Variants in CCDC93 observed in about 807,000 individuals in gnomAD.
The protein encoded by CCDC93 is coiled-coil domain-containing protein 93.
Under a neutral mutation model 108.2 loss-of-function variants are expected in CCDC93, and 61 were observed. The observed-to-expected ratio is 0.56, with a 90% CI of 0.46 to 0.70. The LOEUF is 0.70. CCDC93 is among the 30% of genes least tolerant of loss of function. The pLI is 0.00. For missense variants in CCDC93, 685 were observed against 764.2 expected, an observed-to-expected ratio of 0.90 and a Z score of 1.22; for synonymous variants, 276 against 260.4, an observed-to-expected ratio of 1.06 and a Z score of -0.58.
At chr2:117,932,314 T>TA (rs1427978514) in intron 22 of CCDC93, among the ~76,000 whole-genome samples, 3 of 152,214 alleles carry the variant, frequency 2.0e-5, no homozygotes, top group Non-Finnish European at 4.4e-5. Flanking sequence ...ATTTCTGTGT[T>TA]ACACTTTGGG....
intron 13 of CCDC93, chr2:117,949,717 GTTTTAAAAA>G: frequency 2.0e-6 from 2 of 978,014 alleles, no homozygotes; most frequent in Non-Finnish European, 2.4e-6. Context: ...AAAAAAAAAA[GTTTTAAAAA>G]AGTTCCAAGA....
chr2:117,985,384 C>A (rs1680285851), intron 7 of CCDC93: 2 of 806,412 alleles, frequency 2.5e-6, no homozygotes. Context: ...AGGAGACTTA[C>A]TCACATCAAG....
chr2:118,006,818 T>A lies in CCDC93; in HGVS notation c.157-2A>T. 1 of 1,570,372 alleles carries A rather than the reference T, an allele frequency of 6.4e-7. No individual in the cohort carries two copies. The highest frequency in any genetic ancestry group is 8.8e-7 in the Non-Finnish European group (1 of 1,141,120). ...ACACCAAGTCATTCCTCCTACTACCTGCAAGACATAAAGAAAATATTTGTT... is the reference window on the plus strand; with the variant it reads ...ACACCAAGTCATTCCTCCTACTACCAGCAAGACATAAAGAAAATATTTGTT... On this transcript the variant is annotated splice_acceptor_variant, in intron 2 of 23. Coordinates refer to ENST00000376300, the MANE Select transcript of CCDC93 (RefSeq NM_019044.5). LOFTEE classifies it high-confidence loss of function.
chr2:117,926,814 CAA>C (rs558657634), intron 23 of CCDC93, among the ~76,000 whole-genome samples: 1 of 151,782 alleles, frequency 6.6e-6, no homozygotes, highest in African/African-American at 2.4e-5. Flanking sequence ...GAGACACAAC[CAA>C]AAAAGAGAAT....
Position 117,969,251 on chromosome 2 carries a change from AG to A in CCDC93, c.888+4656del. On this transcript the variant is annotated intron_variant, in intron 11 of 23. Coordinates refer to ENST00000376300, the MANE Select transcript of CCDC93 (RefSeq NM_019044.5). ...CAATGTAGGAGAGGCTCATGTGACA[AG>A]GAACTGCAGGTAGCCTCCAGCTAAC... 1.3e-5 allele frequency among the ~76,000 whole-genome samples: 2 copies of A among 152,348 alleles called. 1 individual carries two copies. Among genetic ancestry groups the A allele is most frequent in the East Asian group, 3.9e-4 (2 of 5,184 alleles).
intron 6 of CCDC93, among the ~76,000 whole-genome samples, chr2:117,993,869 G>C (rs1160323135): frequency 6.6e-6 from 1 of 152,206 alleles, no homozygotes; most frequent in Non-Finnish European, 1.5e-5. Flanking sequence ...AAGTAGCTAG[G>C]ATTACAGGGG....
At chr2:117,950,806 A>G in intron 13 of CCDC93, 1 of 985,438 alleles carries the variant, frequency 1.0e-6, no homozygotes, top group Non-Finnish European at 1.2e-6. Flanking sequence ...TGATTTTCCT[A>G]TTAGATAGTA....
intron 11 of CCDC93, among the ~76,000 whole-genome samples, chr2:117,966,780 A>G (rs185536873): frequency 1.8e-4 from 28 of 152,378 alleles, no homozygotes; most frequent in African/African-American, 6.0e-4. Context: ...ACTTCAAGAT[A>G]GAGCAAAGGC....
At chr2:117,936,107 G>T (rs879712463) in intron 21 of CCDC93, among the ~76,000 whole-genome samples, 6 of 151,442 alleles carry the variant, frequency 4.0e-5, no homozygotes, top group Non-Finnish European at 5.9e-5. Flanking sequence ...GCTGTCATCT[G>T]CCAGAGGACA....
intron 11 of CCDC93, among the ~76,000 whole-genome samples, chr2:117,965,486 C>T (rs1229522980): frequency 6.6e-6 from 1 of 152,152 alleles, no homozygotes; most frequent in Non-Finnish European, 1.5e-5. Context: ...CTTCCCTTTT[C>T]CATTTCTAAC....
At chr2:117,921,444 T>A (rs1169265157) in intron 23 of CCDC93, among the ~76,000 whole-genome samples, 1 of 152,004 alleles carries the variant, frequency 6.6e-6, no homozygotes, top group African/African-American at 2.4e-5. Context: ...CTCCAATAAC[T>A]CTGACCCCAT....
chr2:117,945,600 T>A lies in CCDC93; in HGVS notation c.1297-18A>T. 6.2e-7 allele frequency: 1 copy of A among 1,609,714 alleles called. No homozygotes were observed. Among genetic ancestry groups the A allele is most frequent in the Non-Finnish European group, 8.5e-7 (1 of 1,176,258 alleles). ...GAGAGGGTCTGAAACAATGAAAACA[T>A]AATAAACACCTCTCCTGAGCATTCG... On this transcript the variant is annotated intron_variant, in intron 16 of 23. Coordinates refer to ENST00000376300, the MANE Select transcript of CCDC93 (RefSeq NM_019044.5).
At chr2:118,012,397 G>A (rs1156984303) in intron 1 of CCDC93, 1 of 152,192 alleles carries the variant, frequency 6.6e-6, no homozygotes, top group Non-Finnish European at 1.5e-5. Context: ...TGCTTGACCT[G>A]GTGAGTGTGG....
chr2:117,948,223 C>T, intron 14 of CCDC93, 37 bp from the exon 15 acceptor site: 1 of 1,486,788 alleles, frequency 6.7e-7, no homozygotes, highest in Non-Finnish European at 9.3e-7. Context: ...ATATGGCAGG[C>T]CATTATGATT....
chr2:117,962,727 T>TA (rs1679435822), intron 11 of CCDC93, among the ~76,000 whole-genome samples: 1 of 152,218 alleles, frequency 6.6e-6, no homozygotes, highest in African/African-American at 2.4e-5. Flanking sequence ...GCAAGAATGT[T>TA]AAATTTCGGA....
At chr2:117,973,183 A>G (rs1243398640) in intron 11 of CCDC93, among the ~76,000 whole-genome samples, 1 of 152,204 alleles carries the variant, frequency 6.6e-6, no homozygotes, top group African/African-American at 2.4e-5. Flanking sequence ...GAGTCAGGGC[A>G]GAGCTAATTT....
At chr2:117,977,249 G>A (rs1679971816) in intron 8 of CCDC93, among the ~76,000 whole-genome samples, 2 of 152,136 alleles carry the variant, frequency 1.3e-5, no homozygotes, top group Non-Finnish European at 2.9e-5. Context: ...TATGAGCACA[G>A]GTTTGATGTC....
chr2:118,003,031 G>A lies in CCDC93; in HGVS notation c.252-2099C>T, dbSNP rs137892403. On this transcript the variant is annotated intron_variant, in intron 3 of 23. Coordinates refer to ENST00000376300, the MANE Select transcript of CCDC93 (RefSeq NM_019044.5). ...CTAGACCAGGCAAGAGTGGAACTCT[G>A]TCTCTTAAAACAAAACAAAACAAAA... 3.1e-3 allele frequency among the ~76,000 whole-genome samples: 477 copies of A among 152,312 alleles called. 5 individuals carry two copies. The highest frequency in any genetic ancestry group is 0.011 in the African/African-American group (456 of 41,570).
chr2:117,973,414 G>GAAA (rs11387750), intron 11 of CCDC93, among the ~76,000 whole-genome samples: 15 of 142,278 alleles, frequency 1.1e-4, no homozygotes, highest in African/African-American at 2.4e-4. Flanking sequence ...TCTTAGGATG[G>GAAA]AAAAAAAAAA....
Sources: allele counts gnomAD v4.1 joint callset (sites outside exome capture counted in the v4.1 genomes callset), GRCh38; gene constraint gnomAD v4.1.1; transcripts MANE v1.5; gene names NCBI Gene and HGNC (gene_info 2026-07-23, HGNC 2026-07-21).